The following PHF20L1 variants were observed in gnomAD, a reference collection of about 807,000 sequenced individuals.
The protein encoded by PHF20L1 is PHD finger protein 20-like protein 1.
Under a neutral mutation model 125.5 loss-of-function variants are expected in PHF20L1, and 44 were observed. The ratio of observed to expected loss-of-function variants is 0.35; its 90% CI spans 0.28 to 0.45. PHF20L1 has a LOEUF of 0.45. PHF20L1 is among the 20% of genes least tolerant of loss of function. The pLI, the probability that PHF20L1 is intolerant of heterozygous loss-of-function variation, is 1.00. For synonymous variants in PHF20L1, 380 were observed against 403.1 expected, an observed-to-expected ratio of 0.94 and a Z score of 0.69; for missense variants, 1,012 against 1,217.2, an observed-to-expected ratio of 0.83 and a Z score of 2.51.
rs1838046054 is a variant in PHF20L1 at position 132,842,613 on chromosome 8, A to G, written c.2486A>G (p.Asp829Gly). The change falls in exon 19 of 21, where the codon GAC (aspartate) becomes GGC (glycine). Residue 829 changes from aspartate to glycine, a missense_variant. Asp to Gly is a moderately conservative substitution (Grantham distance 94). Transcript: ENST00000395386. ...GGGGTGGAGAAAAAAATAGCTCAAG[A>G]CACAGTTAATCGAGAAGAAAAGAAA... ...IAGVEKKIAQ[D>G]TVNREEKKYV... The G allele has an allele frequency of 3.1e-6, 5 of 1,613,226 alleles. No individual in the cohort carries two copies. The highest frequency in any genetic ancestry group is 4.2e-6 in the Non-Finnish European group (5 of 1,179,568).
intron 4 of PHF20L1, among the ~76,000 whole-genome samples, chr8:132,797,663 T>C (rs1344763083): frequency 1.3e-5 from 2 of 152,180 alleles, no homozygotes; most frequent in East Asian, 3.9e-4. Flanking sequence ...GATCAGTTGT[T>C]TGCATAACTT....
intron 15 of PHF20L1, among the ~76,000 whole-genome samples, chr8:132,835,786 C>G (rs565924019): frequency 2.0e-5 from 3 of 152,138 alleles, no homozygotes; most frequent in Admixed American, 6.5e-5. Context: ...GTTGGTTTTC[C>G]CACTCCATGG....
intron 14 of PHF20L1, among the ~76,000 whole-genome samples, chr8:132,827,482 T>C (rs1836307117): frequency 6.6e-6 from 1 of 152,058 alleles, no homozygotes; most frequent in African/African-American, 2.4e-5. Flanking sequence ...TGTGTTCTGT[T>C]CTGATATTTA....
intron 2 of PHF20L1, among the ~76,000 whole-genome samples, chr8:132,788,194 T>C (rs1831274572): frequency 6.6e-6 from 1 of 152,134 alleles, no homozygotes; most frequent in South Asian, 2.1e-4. Flanking sequence ...TTTATTATAC[T>C]AGCTATCATT....
At chr8:132,803,481 G>A (rs235428) in intron 6 of PHF20L1, 81,551 of 197,546 alleles carry the variant, frequency 0.41, 17,199 homozygotes, top group South Asian at 0.51. Context: ...CAACATTTGA[G>A]CCCTAAAATA....
At chr8:132,811,778 C>G (rs911875586) in intron 9 of PHF20L1, 2 of 984,450 alleles carry the variant, frequency 2.0e-6, no homozygotes, top group African/African-American at 3.5e-5. Flanking sequence ...GGCTTAACTT[C>G]TTAGGCACTG....
At chr8:132,823,304 G>C (rs235439) in intron 12 of PHF20L1, among the ~76,000 whole-genome samples, 62,691 of 151,786 alleles carry the variant, frequency 0.41, 13,074 homozygotes, top group South Asian at 0.51. Flanking sequence ...TTTTAAAAAT[G>C]TGTACAGATT....
At chr8:132,783,375 T>A (rs935581894) in intron 2 of PHF20L1, among the ~76,000 whole-genome samples, 3 of 152,212 alleles carry the variant, frequency 2.0e-5, no homozygotes, top group Non-Finnish European at 4.4e-5. Flanking sequence ...GTTTTTAAGA[T>A]GTTCGTGCAG....
intron 8 of PHF20L1, among the ~76,000 whole-genome samples, chr8:132,805,088 TA>T (rs966242950): frequency 6.6e-6 from 1 of 151,962 alleles, no homozygotes; most frequent in African/African-American, 2.4e-5. Flanking sequence ...TCTCAGATTT[TA>T]AATTTTTTTA....
In PHF20L1 at chr8:132,847,994, T is replaced by G. The variant is rs1228947137; in HGVS notation, c.*2071T>G. 1 of 152,104 alleles carries G rather than the reference T, an allele frequency of 6.6e-6. No individual in the cohort carries two copies. The highest frequency in any genetic ancestry group is 1.5e-5 in the Non-Finnish European group (1 of 67,974). The allele number at this position is 152,104 out of a possible 1,614,324, so 9.4% of individuals were successfully genotyped here. Reference sequence around the variant, plus strand: ...TCTAGACATTGAATTTATATCTTCTTTTTTTCAGATACGGAGCAAATAGCA... The same window carrying G: ...TCTAGACATTGAATTTATATCTTCTGTTTTTCAGATACGGAGCAAATAGCA... On this transcript the variant is annotated 3_prime_UTR_variant, in exon 21 of 21. Coordinates refer to ENST00000395386, the MANE Select transcript of PHF20L1 (RefSeq NM_016018.5).
intron 9 of PHF20L1, 58 bp downstream of exon 9, chr8:132,811,186 T>C (rs960521243): frequency 6.2e-7 from 1 of 1,607,084 alleles, no homozygotes; most frequent in Non-Finnish European, 8.5e-7. Flanking sequence ...ATCACGGAGC[T>C]CTAGTATCTA....
At chr8:132,804,071 G>T in intron 7 of PHF20L1, 39 bp downstream of exon 7, 1 of 1,324,234 alleles carries the variant, frequency 7.6e-7, no homozygotes. Context: ...TTATGACACT[G>T]GTAAACTCAT....
At chr8:132,835,632 A>G (rs1162945012) in intron 15 of PHF20L1, among the ~76,000 whole-genome samples, 1 of 152,160 alleles carries the variant, frequency 6.6e-6, no homozygotes, top group Non-Finnish European at 1.5e-5. Context: ...TTTCTAGGAT[A>G]TGCTTAATCT....
Position 132,817,145 on chromosome 8 carries a change from T to G in PHF20L1, c.1372+69T>G, listed in dbSNP as rs952747631. The G allele has an allele frequency of 3.2e-5, 32 of 1,015,838 alleles. No homozygotes were observed. In the African/African-American group the frequency reaches 4.6e-4, roughly 15 times the overall value. The allele number at this position is 1,015,838 out of a possible 1,614,324, so 62.9% of individuals were successfully genotyped here. ...TAAAGAAAAAACTAAGAGATAAAGATTATTAAAATATTAAGATATTTCTGC... is the reference window on the plus strand; with the variant it reads ...TAAAGAAAAAACTAAGAGATAAAGAGTATTAAAATATTAAGATATTTCTGC... On this transcript the variant is annotated intron_variant, in intron 11 of 20. Coordinates refer to ENST00000395386, the MANE Select transcript of PHF20L1 (RefSeq NM_016018.5).
intron 17 of PHF20L1, 90 bp downstream of exon 17, chr8:132,837,901 C>A: frequency 1.2e-6 from 1 of 840,850 alleles, no homozygotes; most frequent in Non-Finnish European, 2.0e-6. Context: ...ACCACCACTA[C>A]AGCAAGTTCT....
chr8:132,804,530 AT>A, intron 7 of PHF20L1, 84 bp from the exon 8 acceptor site: 2 of 1,048,406 alleles, frequency 1.9e-6, no homozygotes, highest in South Asian at 3.0e-5. Flanking sequence ...TGTGCAAAGC[AT>A]TTTTACTATT....
chr8:132,832,185 TTAA>T, intron 14 of PHF20L1, 47 bp from the exon 15 acceptor site: 1 of 1,174,864 alleles, frequency 8.5e-7, no homozygotes, highest in Middle Eastern at 2.0e-4. Context: ...TATAGTGACC[TTAA>T]TTATCTGACA....
intron 19 of PHF20L1, chr8:132,843,903 C>A: frequency 1.0e-6 from 1 of 985,162 alleles, no homozygotes; most frequent in Middle Eastern, 5.2e-4. Context: ...ATTTATTTAG[C>A]GCATTTTATT....
At position 132,846,794 on chromosome 8, in the gene PHF20L1, C is replaced by G. The variant is rs996453666; in HGVS notation, c.*871C>G. On this transcript the variant is annotated 3_prime_UTR_variant, in exon 21 of 21. Coordinates refer to ENST00000395386, the MANE Select transcript of PHF20L1 (RefSeq NM_016018.5). Reference sequence around the variant, plus strand: ...AATGGCAGTATTCAGGCTCAACGTACAGTTTGATCCTGAGTATGCTTGGTG... The same window carrying G: ...AATGGCAGTATTCAGGCTCAACGTAGAGTTTGATCCTGAGTATGCTTGGTG... 2.0e-5 allele frequency: 3 copies of G among 151,158 alleles called. No individual in the cohort carries two copies. The highest frequency in any genetic ancestry group is 7.3e-5 in the African/African-American group (3 of 40,912). 9.4% of individuals were successfully genotyped at this position (151,158 alleles called of 1,614,324 possible).
Sources: allele counts gnomAD v4.1 joint callset (sites outside exome capture counted in the v4.1 genomes callset), GRCh38; gene constraint gnomAD v4.1.1; transcripts MANE v1.5; gene names NCBI Gene and HGNC (gene_info 2026-07-23, HGNC 2026-07-21).